ADARB2: variants seen among roughly 807,000 people sequenced by gnomAD.
ADARB2 encodes inactive double-stranded RNA-specific editase B2.
In ADARB2, 25 loss-of-function variants were observed where a neutral mutation model predicts 62.2. The ratio of observed to expected loss-of-function variants is 0.40; its 90% CI spans 0.29 to 0.56. The LOEUF (loss-of-function observed/expected upper bound fraction) is 0.56, where lower values mean the gene tolerates loss of function less well. Ranked by LOEUF, ADARB2 falls within the 20% of genes least tolerant of loss-of-function variation. The probability of loss-of-function intolerance (pLI) is 0.43; values close to 1 mark genes in which losing one functional copy is unlikely to be tolerated. For synonymous variants in ADARB2, 572 were observed against 500.8 expected (o/e 1.14, Z -1.90); for missense variants, 1,071 against 1,077.4 (o/e 0.99, Z 0.08).
chr10:1,450,125 GGCTCCCGTCGAGAGGGAGCTCCCCAC>G (rs1385874411), intron 1 of ADARB2, among the ~76,000 whole-genome samples: 11 of 152,324 alleles, frequency 7.2e-5, no homozygotes, highest in East Asian at 1.9e-4. Context: ...CACAGGTGGA[GGCTCCCGTCGAGAGGGAGCTCCCCAC>G]GCTCCCGTCG....
chr10:1,664,971 C>T (rs1438560187), intron 1 of ADARB2, among the ~76,000 whole-genome samples: 1 of 152,068 alleles, frequency 6.6e-6, no homozygotes, highest in Admixed American at 6.6e-5. Context: ...GCCACAGAAC[C>T]GAAAGAAAGA....
chr10:1,525,487 G>T (rs569796496), intron 1 of ADARB2, among the ~76,000 whole-genome samples: 4 of 151,392 alleles, frequency 2.6e-5, no homozygotes, highest in African/African-American at 4.9e-5. Context: ...GTCTCTCTTC[G>T]CCTCAGCCGT....
At position 1,183,292 on chromosome 10, in the gene ADARB2, C is replaced by A; in HGVS notation, c.2121G>T (p.Gln707His). The A allele has an allele frequency of 6.2e-7, 1 of 1,614,206 alleles. No homozygotes were observed. Among genetic ancestry groups the A allele is most frequent in the Non-Finnish European group, 8.5e-7 (1 of 1,180,044 alleles). The change falls in exon 10 of 10, where the codon CAG becomes CAT. Residue 707 changes from glutamine (Q) to histidine (H), a missense_variant. Transcript: ENST00000381312. ...CCTTGAACAGCTGCTGTTTCACAGACTGGTAGGTGTGCGCCCCCAGCTTGG... is the reference window on the plus strand; with the variant it reads ...CCTTGAACAGCTGCTGTTTCACAGAATGGTAGGTGTGCGCCCCCAGCTTGG... ...CEAKLGAHTYQSVKQQLFKAF... is the reference protein window; with the variant it reads ...CEAKLGAHTYHSVKQQLFKAF...
At chr10:1,372,106 T>C (rs999655679) in intron 2 of ADARB2, among the ~76,000 whole-genome samples, 1 of 152,214 alleles carries the variant, frequency 6.6e-6, no homozygotes, top group Non-Finnish European at 1.5e-5. Flanking sequence ...GTAGTACATA[T>C]ACACCATGGA....
At chr10:1,193,056 G>A (rs1836864376) in intron 8 of ADARB2, among the ~76,000 whole-genome samples, 1 of 152,240 alleles carries the variant, frequency 6.6e-6, no homozygotes, top group Non-Finnish European at 1.5e-5. Flanking sequence ...GTTTGAGGTG[G>A]AGGTGTTGAG....
chr10:1,695,779 CAT>C (rs1461978669), intron 1 of ADARB2, among the ~76,000 whole-genome samples: 1 of 152,090 alleles, frequency 6.6e-6, no homozygotes, highest in Non-Finnish European at 1.5e-5. Context: ...TGTGTCTGTG[CAT>C]ACACATGGGT....
In ADARB2 at chr10:1,482,710, A is replaced by G. The variant is rs112819476; in HGVS notation, c.101-103550T>C. 2.7e-3 allele frequency among the ~76,000 whole-genome samples: 410 copies of G among 152,340 alleles called. 4 individuals carry two copies. Among genetic ancestry groups the G allele is most frequent in the African/African-American group, 9.3e-3 (385 of 41,572 alleles). On this transcript the variant is annotated intron_variant, in intron 1 of 9. Coordinates refer to ENST00000381312, the MANE Select transcript of ADARB2 (RefSeq NM_018702.4). ...AAAAAGATGAAACACCCACATACCCAGCAAAGCTGTCTCACGATATTCTTG... is the reference window on the plus strand; with the variant it reads ...AAAAAGATGAAACACCCACATACCCGGCAAAGCTGTCTCACGATATTCTTG...
At chr10:1,626,417 A>G (rs921249164) in intron 1 of ADARB2, among the ~76,000 whole-genome samples, 2 of 151,026 alleles carry the variant, frequency 1.3e-5, no homozygotes, top group Non-Finnish European at 3.0e-5. Context: ...ACAGGCCTCC[A>G]CTGGATCTCG....
intron 1 of ADARB2, among the ~76,000 whole-genome samples, chr10:1,565,720 T>C (rs910207126): frequency 1.3e-5 from 2 of 152,202 alleles, no homozygotes; most frequent in African/African-American, 4.8e-5. Context: ...CGGCTGACTA[T>C]ACACTGTGTT....
At chr10:1,500,710 A>G (rs1476983704) in intron 1 of ADARB2, among the ~76,000 whole-genome samples, 1 of 152,210 alleles carries the variant, frequency 6.6e-6, no homozygotes, top group East Asian at 1.9e-4. Context: ...GGTGGGCTGC[A>G]TATTTAGACA....
At chr10:1,235,322 C>T (rs1013394684) in intron 5 of ADARB2, among the ~76,000 whole-genome samples, 14 of 122,510 alleles carry the variant, frequency 1.1e-4, no homozygotes, top group African/African-American at 3.8e-4. Flanking sequence ...CCAGGTGGGG[C>T]GGGAGAGTTC....
At chr10:1,275,088 C>T (rs971214306) in intron 3 of ADARB2, among the ~76,000 whole-genome samples, 1 of 152,238 alleles carries the variant, frequency 6.6e-6, no homozygotes, top group Non-Finnish European at 1.5e-5. Context: ...GCCCTGGCCG[C>T]TCCCTTGTGG....
chr10:1,545,290 G>C (rs1053578632), intron 1 of ADARB2, among the ~76,000 whole-genome samples: 1 of 152,186 alleles, frequency 6.6e-6, no homozygotes, highest in Non-Finnish European at 1.5e-5. Flanking sequence ...TGGAAGACTA[G>C]CTACATCTTG....
At chr10:1,456,464 C>T (rs1831097043) in intron 1 of ADARB2, among the ~76,000 whole-genome samples, 1 of 152,286 alleles carries the variant, frequency 6.6e-6, no homozygotes, top group East Asian at 1.9e-4. Context: ...GGCTCTCATG[C>T]CTCCCGTCCC....
intron 7 of ADARB2, among the ~76,000 whole-genome samples, chr10:1,201,078 G>A (rs1310879422): frequency 2.6e-5 from 4 of 152,082 alleles, no homozygotes; most frequent in African/African-American, 7.2e-5. Flanking sequence ...CCGAGAACCC[G>A]TGATACCAAT....
intron 1 of ADARB2, among the ~76,000 whole-genome samples, chr10:1,390,904 C>T (rs1172280034): frequency 6.6e-6 from 1 of 152,186 alleles, no homozygotes; most frequent in African/African-American, 2.4e-5. Context: ...GGTCCATTTC[C>T]AAGACAACGT....
chr10:1,199,965 C>A lies in ADARB2; in HGVS notation c.1864+1G>T. On this transcript the variant is annotated splice_donor_variant, in intron 8 of 9. Coordinates refer to ENST00000381312, the MANE Select transcript of ADARB2 (RefSeq NM_018702.4). LOFTEE classifies it high-confidence loss of function. ...AGGGCCCCCGGGAAGGGGGTTCTTA[C>A]CGCTGAGGAGAGGCCGGTTGTGCCG... 1 of 1,538,282 alleles carries A rather than the reference C, an allele frequency of 6.5e-7. No homozygotes were observed. Among genetic ancestry groups the A allele is most frequent in the South Asian group, 1.2e-5 (1 of 81,242 alleles).
chr10:1,235,104 G>A (rs1270399684), intron 5 of ADARB2, among the ~76,000 whole-genome samples: 2 of 151,734 alleles, frequency 1.3e-5, no homozygotes, highest in Non-Finnish European at 2.9e-5. Context: ...ACATCTATCT[G>A]TCTACACACC....
chr10:1,429,592 G>A (rs947969662), intron 1 of ADARB2, among the ~76,000 whole-genome samples: 5 of 152,224 alleles, frequency 3.3e-5, no homozygotes, highest in African/African-American at 1.2e-4. Context: ...GTCTTTCCAT[G>A]AGAAGCAGTC....
Sources: gnomAD v4.1 joint callset for allele counts (sites outside exome capture counted in the v4.1 genomes callset) on GRCh38, gnomAD v4.1.1 for gene constraint, MANE v1.5 for transcripts, NCBI Gene and HGNC (gene_info 2026-07-23, HGNC 2026-07-21) for gene names.